The following BICD1 variants were observed in gnomAD, a reference collection of about 807,000 sequenced individuals.
BICD1 encodes BICD cargo adaptor 1, also known as protein bicaudal D homolog 1.
A neutral mutation model predicts 92.5 loss-of-function variants in BICD1; 35 were observed. That is an observed-to-expected ratio of 0.38 (90% CI 0.29 to 0.50). The LOEUF is 0.50. Ranked by LOEUF, BICD1 falls within the 20% of genes least tolerant of loss-of-function variation. The pLI, the probability that BICD1 is intolerant of heterozygous loss-of-function variation, is 0.93. For missense variants in BICD1, 950 were observed against 1,189.8 expected (o/e 0.80, Z 2.97); for synonymous variants, 429 against 465.1 (o/e 0.92, Z 1.00).
chr12:32,275,768 C>T (rs1947258000), intron 2 of BICD1, among the ~76,000 whole-genome samples: 2 of 152,106 alleles, frequency 1.3e-5, no homozygotes, highest in Admixed American at 1.3e-4. Context: ...CCCATTGCCA[C>T]TCCCGATTGT....
intron 2 of BICD1, among the ~76,000 whole-genome samples, chr12:32,243,033 G>A (rs945379393): frequency 6.6e-6 from 1 of 152,006 alleles, no homozygotes; most frequent in African/African-American, 2.4e-5. Context: ...AGTTAGGGCT[G>A]GGTGAGTGTT....
chr12:32,339,521 C>G, intron 8 of BICD1: 1 of 985,298 alleles, frequency 1.0e-6, no homozygotes, highest in Non-Finnish European at 1.2e-6. Flanking sequence ...GATTGCAGGC[C>G]CCCCACTGGT....
In BICD1 at chr12:32,337,289, A is replaced by T. The variant is rs781235481; in HGVS notation, c.2253-210A>T. 1.4e-4 allele frequency among the ~76,000 whole-genome samples: 22 copies of T among 152,106 alleles called. No homozygotes were observed. The highest frequency in any genetic ancestry group is 1.9e-4 in the Non-Finnish European group (13 of 68,016). ...AACAACAACAACAAAATAATAATAAATTTTTTAAAAATGTCCCATATATCT... is the reference window on the plus strand; with the variant it reads ...AACAACAACAACAAAATAATAATAATTTTTTTAAAAATGTCCCATATATCT... On this transcript the variant is annotated intron_variant, in intron 6 of 9. Transcript: ENST00000652176. This position sits in a 1 kb window ranked among gnomAD's most constrained non-coding sequence, Gnocchi z 4.7.
At chr12:32,319,561 G>A (rs1426249919) in intron 4 of BICD1, among the ~76,000 whole-genome samples, 2 of 151,730 alleles carry the variant, frequency 1.3e-5, no homozygotes, top group African/African-American at 4.8e-5. Flanking sequence ...GGAGGGAGAG[G>A]TCGTTTGTTT....
intron 9 of BICD1, among the ~76,000 whole-genome samples, chr12:32,371,679 C>T (rs1357844115): frequency 6.6e-6 from 1 of 152,148 alleles, no homozygotes; most frequent in Non-Finnish European, 1.5e-5. Context: ...CCTCCACCTC[C>T]TGGGTTCAAG....
intron 1 of BICD1, among the ~76,000 whole-genome samples, chr12:32,115,440 G>A (rs1289244532): frequency 4.3e-5 from 6 of 141,086 alleles, no homozygotes; most frequent in African/African-American, 1.3e-4. Flanking sequence ...ACAGGATCTT[G>A]CAGCCTGGTG....
At chr12:32,210,093 C>A (rs1246044295) in intron 1 of BICD1, among the ~76,000 whole-genome samples, 2 of 152,112 alleles carry the variant, frequency 1.3e-5, no homozygotes, top group Admixed American at 1.3e-4. Context: ...TGTTTATGTT[C>A]CACTAGAATA....
At chr12:32,139,261 A>G (rs1269835616) in intron 1 of BICD1, among the ~76,000 whole-genome samples, 1 of 152,096 alleles carries the variant, frequency 6.6e-6, no homozygotes, top group African/African-American at 2.4e-5. Flanking sequence ...GTCCCTGTGT[A>G]TAAGGTCAGG....
chr12:32,198,136 C>T (rs969636162), intron 1 of BICD1, among the ~76,000 whole-genome samples: 2 of 151,498 alleles, frequency 1.3e-5, no homozygotes, highest in Admixed American at 1.3e-4. Flanking sequence ...ACCTGGGAGG[C>T]AGAGGTTGCG....
intron 1 of BICD1, among the ~76,000 whole-genome samples, chr12:32,158,114 T>C (rs1268197728): frequency 6.6e-6 from 1 of 150,482 alleles, no homozygotes; most frequent in Non-Finnish European, 1.5e-5. Flanking sequence ...TTCTTTTTTT[T>C]TTTTTTTTGA....
intron 9 of BICD1, among the ~76,000 whole-genome samples, chr12:32,374,212 CA>C (rs1297620485): frequency 3.7e-4 from 40 of 106,734 alleles, no homozygotes; most frequent in East Asian, 5.2e-4. Context: ...AGATTCTGCT[CA>C]AAAAAAAAAA....
chr12:32,305,436 G>A (rs1162275339), intron 3 of BICD1, among the ~76,000 whole-genome samples: 1 of 151,276 alleles, frequency 6.6e-6, no homozygotes, highest in African/African-American at 2.4e-5. Flanking sequence ...GAGTTATATA[G>A]ATGTATATTA....
At chr12:32,199,174 T>C (rs1565582150) in intron 1 of BICD1, among the ~76,000 whole-genome samples, 1 of 152,192 alleles carries the variant, frequency 6.6e-6, no homozygotes, top group South Asian at 2.1e-4. Context: ...AAAAAAGATA[T>C]TGAAGATAAT....
At position 32,216,407 on chromosome 12, in the gene BICD1, A is replaced by T. The variant is rs1945364444; in HGVS notation, c.374A>T (p.Asn125Ile). The change falls in exon 2 of 10, where the codon AAT becomes ATT. Residue 125 changes from asparagine to isoleucine, a missense_variant. Physicochemically the swap from Asn to Ile is moderately radical, Grantham distance 149. Around this residue, in one of 5 missense-constraint regions of BICD1, gnomAD observed 202 missense variants for 205.3 expected, o/e 0.98. Coordinates refer to ENST00000652176, the MANE Select transcript of BICD1 (RefSeq NM_001714.4). ...AAACAGAGCCGGGCTGTGGTCACTA[A>T]TGTACAGGCAGAAAACGAGAGGCTC... ...ELKQSRAVVT[N>I]VQAENERLTA... 6 of 1,614,086 alleles carry T rather than the reference A, an allele frequency of 3.7e-6. No homozygotes were observed. The highest frequency in any genetic ancestry group is 5.1e-6 in the Non-Finnish European group (6 of 1,180,038).
intron 3 of BICD1, among the ~76,000 whole-genome samples, chr12:32,300,548 A>T (rs1592636540): frequency 6.6e-6 from 1 of 152,158 alleles, no homozygotes; most frequent in East Asian, 1.9e-4. Flanking sequence ...GTTGGTTGAA[A>T]TACTAGGAAA....
intron 2 of BICD1, among the ~76,000 whole-genome samples, chr12:32,287,602 T>C (rs569893251): frequency 5.1e-4 from 76 of 150,484 alleles, no homozygotes; most frequent in Admixed American, 3.0e-3. Context: ...AGTGGCACGA[T>C]CTTGGCTCAC....
At chr12:32,204,951 A>G (rs1379742878) in intron 1 of BICD1, among the ~76,000 whole-genome samples, 1 of 152,212 alleles carries the variant, frequency 6.6e-6, no homozygotes. Context: ...CTGTAACAAA[A>G]AGCAGATATC....
At chr12:32,316,461 T>A (rs937270623) in intron 4 of BICD1, among the ~76,000 whole-genome samples, 1 of 151,356 alleles carries the variant, frequency 6.6e-6, no homozygotes, top group Non-Finnish European at 1.5e-5. Context: ...CAGCTAATTT[T>A]TTTTTATTTT....
At chr12:32,289,688 G>T (rs1328374727) in intron 2 of BICD1, among the ~76,000 whole-genome samples, 1 of 152,220 alleles carries the variant, frequency 6.6e-6, no homozygotes, top group Non-Finnish European at 1.5e-5. Context: ...CAGCCCCAGA[G>T]TCTGTTGTTT....
Sources: gnomAD v4.1 joint callset for allele counts (sites outside exome capture counted in the v4.1 genomes callset) on GRCh38, gnomAD v4.1.1 for gene constraint, gnomAD v4.1.1 regional missense constraint, Gnocchi (gnomAD v3.1) non-coding constraint, MANE v1.5 for transcripts, NCBI Gene and HGNC (gene_info 2026-07-23, HGNC 2026-07-21) for gene names.